ATP2C1: variants seen among roughly 807,000 people sequenced by gnomAD.
ATP2C1 encodes the protein calcium-transporting ATPase type 2C member 1.
Under a neutral mutation model 120.5 loss-of-function variants are expected in ATP2C1, and 31 were observed. The ratio of observed to expected loss-of-function variants is 0.26; its 90% CI spans 0.19 to 0.35. The LOEUF (loss-of-function observed/expected upper bound fraction) is 0.35. Among genes scored for constraint, ATP2C1 ranks in the 10% least tolerant of loss-of-function variants. The pLI, the probability that ATP2C1 is intolerant of heterozygous loss-of-function variation, is 1.00. For missense variants in ATP2C1, 731 were observed against 1,107.5 expected (o/e 0.66, Z 4.83); for synonymous variants, 351 against 358.7 (o/e 0.98, Z 0.24).
chr3:130,907,333 T>C (rs2058181405), intron 2 of ATP2C1, among the ~76,000 whole-genome samples: 1 of 152,122 alleles, frequency 6.6e-6, no homozygotes, highest in Non-Finnish European at 1.5e-5. Context: ...GTGTTTCTTT[T>C]ATTGTTTGTG....
At chr3:130,915,778 G>A (rs1277271797) in intron 2 of ATP2C1, among the ~76,000 whole-genome samples, 1 of 152,188 alleles carries the variant, frequency 6.6e-6, no homozygotes, top group East Asian at 1.9e-4. Context: ...CTGCAGAAAT[G>A]TGCTACAAGC....
intron 11 of ATP2C1, among the ~76,000 whole-genome samples, chr3:130,958,653 C>G (rs2060685859): frequency 6.7e-6 from 1 of 150,126 alleles, no homozygotes; most frequent in Non-Finnish European, 1.5e-5. Context: ...TCCCCCTATT[C>G]TTTTCAAAGA....
Position 130,953,995 on chromosome 3 carries a change from T to A in ATP2C1, c.687+19T>A, listed in dbSNP as rs762049631. ...AGCAAAGGTAAATTTTTTTCCTGAT[T>A]TGAAAAAAGCAGTTCCTTTGTTTGA... On this transcript the variant is annotated intron_variant, in intron 9 of 27. Coordinates refer to ENST00000510168, the MANE Select transcript of ATP2C1 (RefSeq NM_001378687.1). 4 of 1,613,594 alleles carry A rather than the reference T, an allele frequency of 2.5e-6. No homozygotes were observed. Among genetic ancestry groups the A allele is most frequent in the Non-Finnish European group, 3.4e-6 (4 of 1,179,606 alleles).
At chr3:130,963,504 T>G (rs1292324790) in intron 12 of ATP2C1, 6 of 176,514 alleles carry the variant, frequency 3.4e-5, no homozygotes, top group African/African-American at 1.4e-4. Context: ...TTTTTGTGGC[T>G]AAAGTAATAC....
At chr3:130,946,256 A>G (rs1015311807) in intron 8 of ATP2C1, among the ~76,000 whole-genome samples, 2 of 152,254 alleles carry the variant, frequency 1.3e-5, no homozygotes, top group Admixed American at 6.5e-5. Context: ...GGCCAAGCTC[A>G]GGAATTCAAA....
chr3:130,916,543 TTTC>T (rs1407610329), intron 2 of ATP2C1, among the ~76,000 whole-genome samples: 4 of 152,102 alleles, frequency 2.6e-5, no homozygotes, highest in African/African-American at 9.7e-5. Flanking sequence ...ATATATATTT[TTTC>T]TTTCTTCTTT....
At chr3:130,970,975 G>T (rs1469375001) in intron 17 of ATP2C1, among the ~76,000 whole-genome samples, 1 of 152,168 alleles carries the variant, frequency 6.6e-6, no homozygotes, top group Non-Finnish European at 1.5e-5. Flanking sequence ...ACTTTTACAA[G>T]CTTAGGTGAA....
intron 2 of ATP2C1, among the ~76,000 whole-genome samples, chr3:130,923,526 C>CT (rs926275354): frequency 2.0e-4 from 31 of 151,488 alleles, no homozygotes; most frequent in African/African-American, 7.3e-4. Flanking sequence ...CTCCTTTGTC[C>CT]TTTTTTAACT....
rs1018696402 is a variant in ATP2C1 at position 130,894,689 on chromosome 3, C to T, written c.-81C>T. 2.0e-5 allele frequency: 33 copies of T among 1,613,458 alleles called. No individual in the cohort carries two copies. In the Middle Eastern group the frequency reaches 6.6e-4, roughly 32 times the overall value. ...GGGGCTTCTCTTCCTTGTCCTCCTCCTCTCCTCTCTATTCCCAGTGTGGCC... is the reference window on the plus strand; with the variant it reads ...GGGGCTTCTCTTCCTTGTCCTCCTCTTCTCCTCTCTATTCCCAGTGTGGCC... On this transcript the variant is annotated 5_prime_UTR_variant, in exon 2 of 28. Coordinates refer to ENST00000510168, the MANE Select transcript of ATP2C1 (RefSeq NM_001378687.1). The surrounding 1 kb of genome is among the most constrained non-coding windows in gnomAD (Gnocchi z 4.5).
intron 14 of ATP2C1, among the ~76,000 whole-genome samples, chr3:130,966,018 A>C (rs1293962541): frequency 6.6e-6 from 1 of 152,166 alleles, no homozygotes. Flanking sequence ...GGACAGGTCT[A>C]ATCCTACTCA....
Position 130,992,341 on chromosome 3 carries a change from A to C in ATP2C1, c.1840-610A>C, listed in dbSNP as rs180823331. On this transcript the variant is annotated intron_variant, in intron 20 of 27. Coordinates refer to ENST00000510168, the MANE Select transcript of ATP2C1 (RefSeq NM_001378687.1). Reference sequence around the variant, plus strand: ...GGTTAGAGCAAAGTGAAAAAGAGTAAAAAATAGAGGAGATTTGTTGGAACA... The same window carrying C: ...GGTTAGAGCAAAGTGAAAAAGAGTACAAAATAGAGGAGATTTGTTGGAACA... Among the ~76,000 whole-genome samples, 197 of 152,318 alleles carry C rather than the reference A, an allele frequency of 1.3e-3. 2 individuals are homozygous for C. The highest frequency in any genetic ancestry group is 2.4e-3 in the Non-Finnish European group (161 of 68,024).
chr3:130,953,709 T>C (rs2060466765), intron 8 of ATP2C1, 112 bp from the exon 9 acceptor site: 1 of 1,072,644 alleles, frequency 9.3e-7, no homozygotes, highest in East Asian at 2.4e-5. Context: ...ATACAAGATG[T>C]GGCTAATCAA....
chr3:130,869,408 C>T (rs1158260354), intron 1 of ATP2C1: 1 of 120,756 alleles, frequency 8.3e-6, no homozygotes, highest in Non-Finnish European at 1.6e-5. Flanking sequence ...CGAGAAACAC[C>T]CAAGAATGAT....
chr3:130,853,846 T>C (rs2067754769), intron 1 of ATP2C1, among the ~76,000 whole-genome samples: 1 of 152,188 alleles, frequency 6.6e-6, no homozygotes, highest in Admixed American at 6.5e-5. Flanking sequence ...GGTGTAAAGG[T>C]GACCCACACA....
At position 130,996,677 on chromosome 3, in the gene ATP2C1, CAGG is replaced by C; in HGVS notation, c.2127_2129del (p.Ser710del). The C allele has an allele frequency of 6.4e-7, 1 of 1,552,752 alleles. No individual in the cohort carries two copies. Among genetic ancestry groups the C allele is most frequent in the Non-Finnish European group, 8.9e-7 (1 of 1,124,246 alleles). ...ATTTTTAAATGACTCTCTTTTTCAA[CAGG>C]AGTATAGCAGCATTAACTTTAATCT... On this transcript the variant is annotated splice_acceptor_variant and coding_sequence_variant, in exon 24 of 28. Coordinates refer to ENST00000510168, the MANE Select transcript of ATP2C1 (RefSeq NM_001378687.1). LOFTEE classifies it high-confidence loss of function.
chr3:130,899,877 A>C (rs72983769), intron 2 of ATP2C1, among the ~76,000 whole-genome samples: 71 of 152,218 alleles, frequency 4.7e-4, no homozygotes, highest in African/African-American at 1.7e-3. Context: ...TATAGGTATT[A>C]GAGAATGTGT....
At chr3:130,874,124 AAAAAAG>A (rs569784423) in intron 1 of ATP2C1, among the ~76,000 whole-genome samples, 54 of 149,746 alleles carry the variant, frequency 3.6e-4, no homozygotes, top group Non-Finnish European at 6.8e-4. Context: ...AAAAAAAAGA[AAAAAAG>A]AAAAAGAAAA....
intron 3 of ATP2C1, 126 bp downstream of exon 3, chr3:130,930,652 T>C: frequency 1.4e-6 from 1 of 732,510 alleles, no homozygotes; most frequent in South Asian, 1.5e-5. Context: ...CCATTCAGCA[T>C]AGTAGCCACA....
At chr3:130,977,369 C>T (rs925108228) in intron 18 of ATP2C1, among the ~76,000 whole-genome samples, 1 of 152,082 alleles carries the variant, frequency 6.6e-6, no homozygotes, top group East Asian at 1.9e-4. Context: ...CTCTTTTGAA[C>T]TTCTGGGATG....
Sources: allele counts gnomAD v4.1 joint callset (sites outside exome capture counted in the v4.1 genomes callset), GRCh38; gene constraint gnomAD v4.1.1; non-coding constraint Gnocchi (gnomAD v3.1); transcripts MANE v1.5; gene names NCBI Gene and HGNC (gene_info 2026-07-23, HGNC 2026-07-21).